PLPBP: variants seen among roughly 807,000 people sequenced by gnomAD.
The protein encoded by PLPBP is pyridoxal phosphate binding protein, also known as pyridoxal phosphate homeostasis protein.
In PLPBP, 21 loss-of-function variants were observed where a neutral mutation model predicts 31.2. The ratio of observed to expected loss-of-function variants is 0.67; its 90% confidence interval spans 0.48 to 0.97. PLPBP has a LOEUF of 0.97. Ranked by LOEUF, PLPBP falls within the 50% of genes least tolerant of loss-of-function variation. The pLI, the probability that PLPBP is intolerant of heterozygous loss-of-function variation, is 0.00. For synonymous variants in PLPBP, 124 were observed against 135.6 expected, an observed-to-expected ratio of 0.91 and a Z score of 0.59; for missense variants, 308 against 354.4, an observed-to-expected ratio of 0.87 and a Z score of 1.05.
chr8:37,778,580 C>G lies in PLPBP; in HGVS notation c.*476C>G, dbSNP rs1242356983. 1 of 153,156 alleles carries G rather than the reference C, an allele frequency of 6.5e-6. No individual in the cohort carries two copies. Among genetic ancestry groups the G allele is most frequent in the Non-Finnish European group, 1.5e-5 (1 of 68,754 alleles). The allele number at this position is 153,156 out of a possible 1,614,324, so 9.5% of individuals were successfully genotyped here. A position where few individuals can be genotyped will look rare whatever the true frequency, so the allele number is the denominator to read the frequency against. Reference sequence around the variant, plus strand: ...TTTCTGCCCCCAGATTCTTCCCTAGCCGGTAGATACGTGAAGATATTCCCA... The same window carrying G: ...TTTCTGCCCCCAGATTCTTCCCTAGGCGGTAGATACGTGAAGATATTCCCA... On this transcript the variant is annotated 3_prime_UTR_variant, in exon 8 of 8. Transcript: ENST00000328195.
intron 4 of PLPBP, among the ~76,000 whole-genome samples, chr8:37,768,460 A>ATTTTGTT (rs1803690161): frequency 9.9e-6 from 1 of 101,142 alleles, no homozygotes; most frequent in African/African-American, 3.7e-5. Flanking sequence ...TACAGTTTTG[A>ATTTTGTT]TTTTCTTTTT....
intron 4 of PLPBP, among the ~76,000 whole-genome samples, chr8:37,771,467 G>A (rs1803765475): frequency 6.6e-6 from 1 of 151,314 alleles, no homozygotes; most frequent in Non-Finnish European, 1.5e-5. Flanking sequence ...TTATTTTTTG[G>A]TAGAGACAGG....
At chr8:37,777,572 G>GTT (rs566903629) in intron 7 of PLPBP, among the ~76,000 whole-genome samples, 1 of 149,548 alleles carries the variant, frequency 6.7e-6, no homozygotes. Flanking sequence ...CTCTGTTTTT[G>GTT]TTTTTTTTTG....
chr8:37,775,482 G>GT lies in PLPBP; in HGVS notation c.597+2dup. On this transcript the variant is annotated splice_donor_variant, in intron 6 of 7. Transcript: ENST00000328195. LOFTEE classifies it high-confidence loss of function. ...TCAAGGACCAAATCCAGACTTCCAG[G>GT]TACTGGGGGGTCGGGGAGATTGCTC... The GT allele has an allele frequency of 6.2e-7, 1 of 1,613,790 alleles. No individual in the cohort carries two copies. Among genetic ancestry groups the GT allele is most frequent in the Non-Finnish European group, 8.5e-7 (1 of 1,180,026 alleles).
Position 37,765,644 on chromosome 8 carries a change from T to A in PLPBP, c.207+11T>A. On this transcript the variant is annotated intron_variant, in intron 2 of 7. Transcript: ENST00000328195. ...TTTGGCGAGAACTACGTAAGAGCCC[T>A]TTCCTGAAGCCCTTTGGAAGCATCA... 1 of 1,614,218 alleles carries A rather than the reference T, an allele frequency of 6.2e-7. No homozygotes were observed. Among genetic ancestry groups the A allele is most frequent in the South Asian group, 1.1e-5 (1 of 91,086 alleles).
chr8:37,773,665 C>T lies in PLPBP; in HGVS notation c.454+776C>T, dbSNP rs746163817. The stretch of plus-strand genomic sequence containing the variant: ...TGTATTTTTAGTAGAGACGGAGTTT[C>T]GCCATATTGGTCAGGCTGGTCTTGA... On this transcript the variant is annotated intron_variant, in intron 5 of 7. Coordinates refer to ENST00000328195, the MANE Select transcript of PLPBP (RefSeq NM_007198.4). 4.0e-5 allele frequency among the ~76,000 whole-genome samples: 6 copies of T among 151,750 alleles called. No individual in the cohort carries two copies. The East Asian group carries it at 7.9e-4, about 20-fold the overall frequency.
rs377188078 is a variant in PLPBP at position 37,775,944 on chromosome 8, G to A, written c.624G>A (p.Leu208=). 84 of 1,613,892 alleles carry A rather than the reference G, an allele frequency of 5.2e-5. No individual in the cohort carries two copies. The African/African-American group carries it at 9.2e-4, about 18-fold the overall frequency. Residue 208 remains leucine (L), a synonymous_variant, in exon 7 of 8, where the codon CTG becomes CTA. Coordinates refer to ENST00000328195, the MANE Select transcript of PLPBP (RefSeq NM_007198.4). ...TGTTATTGTCCCTCCGGGAGGAGCT[G>A]TGTAAAAAGCTGAACATCCCTGCTG... is the stretch of plus-strand genomic sequence containing the variant. ...FQLLLSLREE[L]CKKLNIPADQ... is the part of the protein sequence containing the mutation.
Position 37,762,674 on chromosome 8 carries a change from C to G in PLPBP, c.15C>G (p.Gly5=), listed in dbSNP as rs1490520878. The G allele has an allele frequency of 1.3e-6, 2 of 1,585,802 alleles. No homozygotes were observed. Among genetic ancestry groups the G allele is most frequent in the Admixed American group, 3.6e-5 (2 of 55,650 alleles). The change falls in exon 1 of 8, where the codon GGC becomes GGG. Residue 5 remains glycine, a synonymous_variant. Transcript: ENST00000328195. Reference sequence around the variant, plus strand: ...GTCCCCGGGGGATGTGGAGAGCTGGCAGCATGTCGGCCGAGCTGGGAGTCG... The same window carrying G: ...GTCCCCGGGGGATGTGGAGAGCTGGGAGCATGTCGGCCGAGCTGGGAGTCG... MWRA[G]SMSAELGVGC...
chr8:37,768,390 T>C (rs1320458268), intron 4 of PLPBP, among the ~76,000 whole-genome samples: 2 of 151,012 alleles, frequency 1.3e-5, no homozygotes, highest in African/African-American at 4.9e-5. Context: ...TAAAGAGTTA[T>C]AGCTTATAAG....
At chr8:37,776,646 A>G (rs1050108509) in intron 7 of PLPBP, among the ~76,000 whole-genome samples, 4 of 152,258 alleles carry the variant, frequency 2.6e-5, no homozygotes, top group Admixed American at 2.0e-4. Flanking sequence ...TAATTCCATA[A>G]GTGTAGTCTA....
intron 4 of PLPBP, 76 bp downstream of exon 4, chr8:37,766,431 G>A: frequency 6.8e-7 from 1 of 1,468,346 alleles, no homozygotes; most frequent in Non-Finnish European, 9.2e-7. Flanking sequence ...GGAAGAGAGA[G>A]CAACTTTTAG....
At position 37,775,854 on chromosome 8, in the gene PLPBP, T is replaced by A. The variant is rs76927085; in HGVS notation, c.598-64T>A. 12,655 of 1,440,954 alleles carry A rather than the reference T, an allele frequency of 8.8e-3. 929 individuals carry two copies. The African/African-American group carries it at 0.16, about 18-fold the overall frequency. 89.3% of individuals were successfully genotyped at this position (1,440,954 alleles called of 1,614,324 possible). The stretch of plus-strand genomic sequence containing the variant: ...TAACCGTTGTCAGAGAAGTTCAGAT[T>A]CAGACACTTTTGGGCATCGTTAGAG... On this transcript the variant is annotated intron_variant, in intron 6 of 7. Coordinates refer to ENST00000328195, the MANE Select transcript of PLPBP (RefSeq NM_007198.4).
rs202079047 is a variant in PLPBP at position 37,765,771 on chromosome 8, A to T, written c.243+25A>T. On this transcript the variant is annotated intron_variant, in intron 3 of 7. Transcript: ENST00000328195. Reference sequence around the variant, plus strand: ...AGTAAGTAGATAGCTGAATTCTTTAATTTGTATCTAAATCTTGGCTCTTTA... The same window carrying T: ...AGTAAGTAGATAGCTGAATTCTTTATTTTGTATCTAAATCTTGGCTCTTTA... The T allele has an allele frequency of 2.2e-5, 35 of 1,604,380 alleles. No individual in the cohort carries two copies. In the East Asian group the frequency reaches 7.8e-4, roughly 36 times the overall value.
At chr8:37,772,056 C>G (rs887399434) in intron 4 of PLPBP, among the ~76,000 whole-genome samples, 2 of 152,222 alleles carry the variant, frequency 1.3e-5, no homozygotes, top group Non-Finnish European at 2.9e-5. Context: ...ATCTGAAATA[C>G]TTGTACATAG....
At chr8:37,766,614 A>C (rs1395848966) in intron 4 of PLPBP, 1 of 1,099,030 alleles carries the variant, frequency 9.1e-7, no homozygotes, top group Non-Finnish European at 1.1e-6. Flanking sequence ...CTTTCAGAAA[A>C]ATTATAAAGA....
At chr8:37,776,309 C>G (rs1161186630) in intron 7 of PLPBP, among the ~76,000 whole-genome samples, 2 of 151,874 alleles carry the variant, frequency 1.3e-5, no homozygotes, top group Non-Finnish European at 1.5e-5. Flanking sequence ...AACCCCGTCT[C>G]TCCTAAAAAT....
chr8:37,766,476 C>T, intron 4 of PLPBP, 121 bp downstream of exon 4: 2 of 1,350,730 alleles, frequency 1.5e-6, no homozygotes, highest in Non-Finnish European at 1.9e-6. Context: ...TTTGGAATTT[C>T]TTTAGGAAAG....
At position 37,773,253 on chromosome 8, in the gene PLPBP, C is replaced by T. The variant is rs1273633536; in HGVS notation, c.454+364C>T. Among the ~76,000 whole-genome samples, 6 of 151,858 alleles carry T rather than the reference C, an allele frequency of 4.0e-5. No individual in the cohort carries two copies. The East Asian group carries it at 7.7e-4, about 20-fold the overall frequency. On this transcript the variant is annotated intron_variant, in intron 5 of 7. Coordinates refer to ENST00000328195, the MANE Select transcript of PLPBP (RefSeq NM_007198.4). The stretch of plus-strand genomic sequence containing the variant: ...TGCGATCTCGGCTCACTGCAACCTC[C>T]GCCTCCCGGGTTGAAGCAATTCTCC...
chr8:37,772,235 C>G (rs143758260), intron 4 of PLPBP, among the ~76,000 whole-genome samples: 2,077 of 152,308 alleles, frequency 0.014, 37 homozygotes, highest in African/African-American at 0.048. Flanking sequence ...TGTCAAACTC[C>G]TGACCTCAGG....
Sources: allele counts gnomAD v4.1 joint callset (sites outside exome capture counted in the v4.1 genomes callset), GRCh38; gene constraint gnomAD v4.1.1; transcripts MANE v1.5; gene names NCBI Gene and HGNC (gene_info 2026-07-23, HGNC 2026-07-21).